The following JPH1 variants were observed in gnomAD, a reference collection of about 807,000 sequenced individuals.
JPH1 encodes junctophilin 1, also known as junctophilin-1.
Under a neutral mutation model 53.6 loss-of-function variants are expected in JPH1, and 12 were observed. The observed-to-expected ratio is 0.22, with a 90% CI of 0.14 to 0.36. The LOEUF (loss-of-function observed/expected upper bound fraction) is 0.36. Ranked by LOEUF, JPH1 falls within the 10% of genes least tolerant of loss-of-function variation. The pLI is 1.00. For missense variants in JPH1, 808 were observed against 905.5 expected (o/e 0.89, Z 1.38); for synonymous variants, 375 against 363.8 (o/e 1.03, Z -0.35).
intron 1 of JPH1, among the ~76,000 whole-genome samples, chr8:74,316,510 G>A (rs1016327388): frequency 2.0e-5 from 3 of 152,166 alleles, no homozygotes; most frequent in Non-Finnish European, 1.5e-5. Context: ...TGGATGGAGG[G>A]TGTTTGATGA....
intron 2 of JPH1, among the ~76,000 whole-genome samples, chr8:74,286,418 G>A (rs996014788): frequency 6.6e-6 from 1 of 152,090 alleles, no homozygotes; most frequent in Non-Finnish European, 1.5e-5. Flanking sequence ...TTTCTTAGTG[G>A]TGATAACATT....
intron 2 of JPH1, among the ~76,000 whole-genome samples, chr8:74,302,355 T>G (rs1057306671): frequency 3.3e-5 from 5 of 152,358 alleles, no homozygotes; most frequent in African/African-American, 1.2e-4. Context: ...CAAATACTGC[T>G]AATAAGATCC....
Position 74,297,980 on chromosome 8 carries a change from C to T in JPH1, c.1139+16881G>A, listed in dbSNP as rs75421567. Reference sequence around the variant, plus strand: ...ATAGTAGCACAAAAATAATTCTCTGCTTCTTTCCACACACAGGTCATCATC... The same window carrying T: ...ATAGTAGCACAAAAATAATTCTCTGTTTCTTTCCACACACAGGTCATCATC... On this transcript the variant is annotated intron_variant, in intron 2 of 5. Transcript: ENST00000342232. Among the ~76,000 whole-genome samples, 801 of 152,320 alleles carry T rather than the reference C, an allele frequency of 5.3e-3. 6 individuals are homozygous for T. The highest frequency in any genetic ancestry group is 9.6e-3 in the Admixed American group (147 of 15,294).
intron 2 of JPH1, among the ~76,000 whole-genome samples, chr8:74,283,313 T>G (rs1807066963): frequency 6.6e-6 from 1 of 152,022 alleles, no homozygotes; most frequent in African/African-American, 2.4e-5. Flanking sequence ...CATAGTGTCA[T>G]TTATATAAAT....
At chr8:74,249,748 T>C (rs377761221) in intron 3 of JPH1, among the ~76,000 whole-genome samples, 4 of 152,244 alleles carry the variant, frequency 2.6e-5, no homozygotes, top group African/African-American at 9.6e-5. Context: ...ATCCATGACA[T>C]ATTAATGATA....
intron 2 of JPH1, among the ~76,000 whole-genome samples, chr8:74,295,808 G>T (rs557066807): frequency 6.6e-6 from 1 of 152,176 alleles, no homozygotes; most frequent in Admixed American, 6.5e-5. Context: ...TCTGAAACCT[G>T]TTCAAGGAGT....
intron 4 of JPH1, among the ~76,000 whole-genome samples, chr8:74,241,030 A>C (rs1481003768): frequency 1.3e-5 from 2 of 152,340 alleles, no homozygotes; most frequent in East Asian, 1.9e-4. Context: ...GCTTTATCCA[A>C]AATGAAAAAT....
chr8:74,238,913 C>G (rs1805617326), intron 4 of JPH1, among the ~76,000 whole-genome samples: 1 of 152,222 alleles, frequency 6.6e-6, no homozygotes, highest in South Asian at 2.1e-4. Context: ...CCACCTTGGC[C>G]TCCCAAAGTG....
chr8:74,299,016 G>T (rs1807598619), intron 2 of JPH1, among the ~76,000 whole-genome samples: 1 of 152,150 alleles, frequency 6.6e-6, no homozygotes, highest in African/African-American at 2.4e-5. Context: ...AGACGACACT[G>T]CCCACAAATA....
intron 2 of JPH1, among the ~76,000 whole-genome samples, chr8:74,311,517 A>T (rs1334862258): frequency 6.6e-6 from 1 of 151,954 alleles, no homozygotes; most frequent in Non-Finnish European, 1.5e-5. Context: ...GCTTTTTAAA[A>T]TTTTTTATTT....
At position 74,237,010 on chromosome 8, in the gene JPH1, A is replaced by G; in HGVS notation, c.*41T>C. 3.9e-6 allele frequency: 2 copies of G among 512,530 alleles called. No homozygotes were observed. Among genetic ancestry groups the G allele is most frequent in the Non-Finnish European group, 3.5e-6 (1 of 286,272 alleles). 31.7% of individuals were successfully genotyped at this position (512,530 alleles called of 1,614,324 possible). A position where few individuals can be genotyped will look rare whatever the true frequency, so the allele number is the denominator to read the frequency against. ...CACCACTGCAGAGAACTGTGGGCTA[A>G]CACACCACTAGTTGTCAGGACTTCA... On this transcript the variant is annotated 3_prime_UTR_variant, in exon 6 of 6. Coordinates refer to ENST00000342232, the MANE Select transcript of JPH1 (RefSeq NM_020647.4).
chr8:74,302,974 A>G (rs955855899), intron 2 of JPH1, among the ~76,000 whole-genome samples: 1 of 144,088 alleles, frequency 6.9e-6, no homozygotes, highest in African/African-American at 2.5e-5. Flanking sequence ...AAAAAAAAAA[A>G]AACAGTCCAA....
At chr8:74,275,630 T>C (rs1806824381) in intron 2 of JPH1, among the ~76,000 whole-genome samples, 2 of 152,240 alleles carry the variant, frequency 1.3e-5, no homozygotes, top group South Asian at 4.1e-4. Context: ...ACCGTAACTA[T>C]GCAGAACTGC....
At chr8:74,300,663 T>C (rs1466923567) in intron 2 of JPH1, among the ~76,000 whole-genome samples, 1 of 152,172 alleles carries the variant, frequency 6.6e-6, no homozygotes, top group African/African-American at 2.4e-5. Context: ...AATCTGGAGT[T>C]GGAAAAGTAA....
In JPH1 at chr8:74,306,412, C is replaced by T. The variant is rs190101432; in HGVS notation, c.1139+8449G>A. On this transcript the variant is annotated intron_variant, in intron 2 of 5. Transcript: ENST00000342232. Reference sequence around the variant, plus strand: ...TGACGAAGTTAGACTAGGCACCCCCCCTTTCTCCCATGGGAAATGGACATT... The same window carrying T: ...TGACGAAGTTAGACTAGGCACCCCCTCTTTCTCCCATGGGAAATGGACATT... Among the ~76,000 whole-genome samples the T allele has an allele frequency of 1.2e-3, 187 of 152,206 alleles. 1 individual carries two copies. In the Middle Eastern group the frequency reaches 0.027, roughly 22 times the overall value.
At chr8:74,246,926 A>G (rs1586733044) in intron 3 of JPH1, among the ~76,000 whole-genome samples, 1 of 152,208 alleles carries the variant, frequency 6.6e-6, no homozygotes, top group South Asian at 2.1e-4. Context: ...GGCCAGTGAA[A>G]GTTATTTTGA....
chr8:74,244,679 G>A lies in JPH1; in HGVS notation c.1755C>T (p.Ser585=), dbSNP rs148794122. The part of the protein sequence containing the change: ...QSSSALVHKP[S]ANKWSPSKSV... ...ATTTGGAGGGACTCCACTTGTTAGC[G>A]GATGGCTTGTGCACCAGTGCTGAGG... is the stretch of plus-strand genomic sequence containing the variant. Residue 585 remains serine (S), a synonymous_variant, in exon 4 of 6, where the codon TCC becomes TCT. Coordinates refer to ENST00000342232, the MANE Select transcript of JPH1 (RefSeq NM_020647.4). 4.8e-5 allele frequency: 77 copies of A among 1,613,994 alleles called. No homozygotes were observed. In the African/African-American group the frequency reaches 7.6e-4, roughly 16 times the overall value.
At chr8:74,283,742 G>A (rs1026361588) in intron 2 of JPH1, among the ~76,000 whole-genome samples, 3 of 152,198 alleles carry the variant, frequency 2.0e-5, no homozygotes, top group Non-Finnish European at 4.4e-5. Flanking sequence ...CCCAAGCCCT[G>A]ATTAGAAGCC....
chr8:74,256,981 C>T (rs1000455819), intron 3 of JPH1, among the ~76,000 whole-genome samples: 1 of 152,106 alleles, frequency 6.6e-6, no homozygotes. Flanking sequence ...AATTAAATGG[C>T]CAGCCTAATT....
Sources: allele counts gnomAD v4.1 joint callset (sites outside exome capture counted in the v4.1 genomes callset), GRCh38; gene constraint gnomAD v4.1.1; transcripts MANE v1.5; gene names NCBI Gene and HGNC (gene_info 2026-07-23, HGNC 2026-07-21).